TTN: variants seen among roughly 807,000 people sequenced by gnomAD.
TTN encodes connectin.
In TTN, 1,525 loss-of-function variants were observed where a neutral mutation model predicts 3,223.0. The observed-to-expected ratio is 0.47, with a 90% CI of 0.45 to 0.49. The LOEUF (loss-of-function observed/expected upper bound fraction) is 0.49. Ranked by LOEUF, TTN falls within the 20% of genes least tolerant of loss-of-function variation. The pLI is 0.00. For missense variants in TTN, 40,786 were observed against 43,424.0 expected (o/e 0.94, Z 5.40); for synonymous variants, 14,094 against 15,161.0 (o/e 0.93, Z 5.17).
Position 178,614,850 on chromosome 2 carries a change from G to T in TTN, c.48757C>A (p.Gln16253Lys). Residue 16253 changes from glutamine (Q) to lysine (K), a missense_variant, in exon 260 of 363, where the codon CAA (glutamine) becomes AAA (lysine). By Grantham distance (53) the Gln-to-Lys change is moderately conservative. Transcript: ENST00000589042. ...PTEEIQAVDT[Q>K]EAPEIFLDVK... Reference sequence around the variant, plus strand: ...GACAAAAATCAAAAATAGATACCTTGTGTGTCCACAGCCTGGATTTCCTCT... The same window carrying T: ...GACAAAAATCAAAAATAGATACCTTTTGTGTCCACAGCCTGGATTTCCTCT... 2 of 1,571,842 alleles carry T rather than the reference G, an allele frequency of 1.3e-6. No individual in the cohort carries two copies. Among genetic ancestry groups the T allele is most frequent in the South Asian group, 1.2e-5 (1 of 86,270 alleles).
intron 211 of TTN, 82 bp downstream of exon 211, chr2:178,649,735 T>C: frequency 6.4e-7 from 1 of 1,557,848 alleles, no homozygotes; most frequent in East Asian, 2.3e-5. Context: ...TTAACAAACA[T>C]ATAATACAAC....
intron 47 of TTN, chr2:178,746,298 C>T (rs1560967962): frequency 1.2e-6 from 2 of 1,612,128 alleles, no homozygotes; most frequent in African/African-American, 2.7e-5. Flanking sequence ...ATTTTTAGTT[C>T]TTTGTCTTCT....
intron 100 of TTN, 101 bp from the exon 101 acceptor site, chr2:178,707,055 G>T: frequency 2.0e-6 from 2 of 977,802 alleles, no homozygotes; most frequent in African/African-American, 1.6e-5. Flanking sequence ...AGTTTGATAA[G>T]TAAGTACTGC....
In TTN at chr2:178,540,099, T is replaced by C; in HGVS notation, c.98067A>G (p.Val32689=). 2 of 1,608,120 alleles carry C rather than the reference T, an allele frequency of 1.2e-6. No homozygotes were observed. Among genetic ancestry groups the C allele is most frequent in the Non-Finnish European group, 1.7e-6 (2 of 1,175,794 alleles). ...TTTCAGTGACTTTGACTGTTCCTGG[T>C]ACCTCAGCAGGCTCACCAGGTCCAC... The part of the protein sequence containing the change: ...NAGGPGEPAE[V]PGTVKVTEML... The change falls in exon 351 of 363, where the codon GTA becomes GTG. Residue 32689 remains valine, a synonymous_variant. Coordinates refer to ENST00000589042, the MANE Select transcript of TTN (RefSeq NM_001267550.2).
At chr2:178,702,404 CAGACG>C (rs770989999) in intron 107 of TTN, 45 bp downstream of exon 107, 2 of 1,610,260 alleles carry the variant, frequency 1.2e-6, no homozygotes, top group Non-Finnish European at 1.7e-6. Flanking sequence ...ATACAGAAAA[CAGACG>C]AGGCTTAAAT....
chr2:178,709,647 T>C lies in TTN; in HGVS notation c.28672A>G (p.Met9558Val). Residue 9558 changes from methionine (M) to valine (V), a missense_variant, in exon 99 of 363, where the codon ATG becomes GTG. Coordinates refer to ENST00000589042, the MANE Select transcript of TTN (RefSeq NM_001267550.2). The stretch of plus-strand genomic sequence containing the variant: ...CATGTGTACAAACCAGCGTCGTTCA[T>C]GCCTGCTTTCCTGACTTGCAGCACT... The part of the protein sequence containing the change: ...TLVLQVRKAG[M>V]NDAGLYTCKV... 6.2e-7 allele frequency: 1 copy of C among 1,613,940 alleles called. No individual in the cohort carries two copies. Among genetic ancestry groups the C allele is most frequent in the Non-Finnish European group, 8.5e-7 (1 of 1,179,816 alleles).
chr2:178,707,583 A>G lies in TTN; in HGVS notation c.28984T>C (p.Cys9662Arg). The change falls in exon 100 of 363, where the codon TGT becomes CGT. Residue 9662 changes from cysteine (C) to arginine (R), a missense_variant. Coordinates refer to ENST00000589042, the MANE Select transcript of TTN (RefSeq NM_001267550.2). ...VAKADSGDYV[C>R]KASNVAGSDT... ...CTTCCAGCCACATTTGAAGCTTTAC[A>G]CACATAATCTCCCGAATCTGCTTTA... 6.2e-7 allele frequency: 1 copy of G among 1,613,860 alleles called. No homozygotes were observed. The highest frequency in any genetic ancestry group is 8.5e-7 in the Non-Finnish European group (1 of 1,179,828).
In TTN at chr2:178,717,965, A is replaced by G. The variant is rs397517512; in HGVS notation, c.25041T>C (p.Ser8347=). The G allele has an allele frequency of 3.6e-5, 58 of 1,612,634 alleles. No homozygotes were observed. Among genetic ancestry groups the G allele is most frequent in the Non-Finnish European group, 4.2e-5 (50 of 1,178,834 alleles). ...KADNSVGAVA[S]SAVLVIKARK... is the part of the protein sequence containing the mutation. The stretch of plus-strand genomic sequence containing the variant: ...CACCTTTGATAACAAGCACAGCTGA[A>G]GAAGCGACTGCCCCCACACTGTTGT... The change falls in exon 86 of 363, where the codon TCT becomes TCC. Residue 8347 remains serine, a synonymous_variant. Transcript: ENST00000589042.
chr2:178,531,351 C>T lies in TTN; in HGVS notation c.105264G>A (p.Glu35088=). 1.2e-6 allele frequency: 2 copies of T among 1,614,050 alleles called. No individual in the cohort carries two copies. The highest frequency in any genetic ancestry group is 1.7e-6 in the Non-Finnish European group (2 of 1,179,900). Reference sequence around the variant, plus strand: ...CATATGAGGAGAGACTTTCCCTTGTCTCCGTCATCTGTGATTTCACTTCCC... The same window carrying T: ...CATATGAGGAGAGACTTTCCCTTGTTTCCGTCATCTGTGATTTCACTTCCC... ...SVREVKSQMT[E]TRESLSSYEH... is the part of the protein sequence containing the mutation. Residue 35088 remains glutamate, a synonymous_variant, in exon 358 of 363, where the codon GAG becomes GAA. Transcript: ENST00000589042.
rs1408239835 is a variant in TTN at position 178,613,929 on chromosome 2, C to G, written c.49354G>C (p.Gly16452Arg). ...GAAGGTTCTAGGCGAGTTGGAGGAC[C>G]AGGTGGATCTATAGACAGGATAATG... Reference protein sequence around the residue: ...ITAKYQFDPPGPPTRLEPSDI... With the variant: ...ITAKYQFDPPRPPTRLEPSDI... The change falls in exon 263 of 363, where the codon GGT (glycine) becomes CGT (arginine). Residue 16452 changes from glycine (G) to arginine (R), a missense_variant. Coordinates refer to ENST00000589042, the MANE Select transcript of TTN (RefSeq NM_001267550.2). 3.1e-6 allele frequency: 5 copies of G among 1,607,332 alleles called. No individual in the cohort carries two copies. The highest frequency in any genetic ancestry group is 4.2e-6 in the Non-Finnish European group (5 of 1,176,694).
Position 178,711,228 on chromosome 2 carries a change from T to C in TTN, c.28008A>G (p.Lys9336=). The change falls in exon 97 of 363, where the codon AAA becomes AAG. Residue 9336 remains lysine, a synonymous_variant. Coordinates refer to ENST00000589042, the MANE Select transcript of TTN (RefSeq NM_001267550.2). ...GSEPISVSWY[K]DGKPLKDSPN... is the part of the protein sequence containing the mutation. ...GGCTGTCTTTCAATGGCTTGCCGTC[T>C]TTATACCAAGACACGGAGATAGGTT... 1 of 1,613,868 alleles carries C rather than the reference T, an allele frequency of 6.2e-7. No individual in the cohort carries two copies. The highest frequency in any genetic ancestry group is 1.3e-5 in the African/African-American group (1 of 75,032).
In TTN at chr2:178,587,111, T is replaced by C; in HGVS notation, c.64093+7A>G. 1 of 1,613,092 alleles carries C rather than the reference T, an allele frequency of 6.2e-7. No homozygotes were observed. The highest frequency in any genetic ancestry group is 8.5e-7 in the Non-Finnish European group (1 of 1,179,334). On this transcript the variant is annotated splice_region_variant and intron_variant, in intron 307 of 362. Transcript: ENST00000589042. ...GGTTAAAAGGAGGAAGAAAGCATAA[T>C]ACTTACTTAGAGGATCTGATGCAAG... is the stretch of plus-strand genomic sequence containing the variant.
chr2:178,623,214 A>G (rs1203223643), intron 242 of TTN, among the ~76,000 whole-genome samples: 3 of 151,954 alleles, frequency 2.0e-5, no homozygotes, highest in Non-Finnish European at 4.4e-5. Context: ...GTGAAGCACT[A>G]TGGCCAGCCT....
Position 178,563,728 on chromosome 2 carries a change from C to A in TTN, c.82404G>T (p.Lys27468Asn), listed in dbSNP as rs370365162. ...CAGGTGTTGAGGGAGGACCTGGTGGCTTATAAGGATTACAGGCCGTAACAG... is the reference window on the plus strand; with the variant it reads ...CAGGTGTTGAGGGAGGACCTGGTGGATTATAAGGATTACAGGCCGTAACAG... ...SGPVTACNPY[K>N]PPGPPSTPEV... The change falls in exon 326 of 363, where the codon AAG becomes AAT. Residue 27468 changes from lysine (K) to asparagine (N), a missense_variant. Physicochemically the swap from Lys to Asn is moderately conservative, Grantham distance 94. Transcript: ENST00000589042. The surrounding 1 kb of genome is among the most constrained non-coding windows in gnomAD (Gnocchi z 4.5). 3 of 1,613,578 alleles carry A rather than the reference C, an allele frequency of 1.9e-6. No individual in the cohort carries two copies. The highest frequency in any genetic ancestry group is 2.7e-5 in the African/African-American group (2 of 74,900).
rs777331004 is a variant in TTN, at chr2:178,646,000, G to A, written c.40328C>T (p.Pro13443Leu). 2 of 1,579,386 alleles carry A rather than the reference G, an allele frequency of 1.3e-6. No homozygotes were observed. The highest frequency in any genetic ancestry group is 1.8e-5 in the Admixed American group (1 of 54,580). ...AGGTGGGGGTCTTGGTTTGAGTTTT[G>A]GCTTCTCAATAACCTTTTCAGGTTC... The part of the protein sequence containing the change: ...EPEPEKVIEK[P>L]KLKPRPPPPP... Residue 13443 changes from proline (P) to leucine (L), a missense_variant, in exon 217 of 363, where the codon CCA becomes CTA. Coordinates refer to ENST00000589042, the MANE Select transcript of TTN (RefSeq NM_001267550.2).
intron 20 of TTN, 109 bp from the exon 21 acceptor site, chr2:178,781,372 T>TAAAATTCAATGACTAAACTAAA (rs2092746034): frequency 8.1e-7 from 1 of 1,238,290 alleles, no homozygotes; most frequent in South Asian, 1.3e-5. Flanking sequence ...TCAATGACCC[T>TAAAATTCAATGACTAAACTAAA]AAACATATGA....
At chr2:178,610,960 A>G (rs752264671) in intron 270 of TTN, 33 bp downstream of exon 270, 1 of 1,607,640 alleles carries the variant, frequency 6.2e-7, no homozygotes, top group South Asian at 1.1e-5. Context: ...CTACATGTGA[A>G]GAATGTCTGG....
chr2:178,720,390 A>C lies in TTN; in HGVS notation c.23372T>G (p.Phe7791Cys). 6.2e-7 allele frequency: 1 copy of C among 1,611,214 alleles called. No individual in the cohort carries two copies. Among genetic ancestry groups the C allele is most frequent in the Non-Finnish European group, 8.5e-7 (1 of 1,178,418 alleles). Residue 7791 changes from phenylalanine to cysteine, a missense_variant, in exon 80 of 363, where the codon TTC becomes TGC. Phe to Cys is a radical substitution (Grantham distance 205). Transcript: ENST00000589042. ...TTGTGTCCATGTATACAAACCTTTG[A>C]ACTTGACAGAGCAAGAACACGTGTC... is the stretch of plus-strand genomic sequence containing the variant. ...GSDTCSCSVK[F>C]KEPPRFVKKL...
intron 330 of TTN, 40 bp from the exon 331 acceptor site, chr2:178,555,192 A>T (rs1479132599): frequency 6.4e-7 from 1 of 1,571,158 alleles, no homozygotes; most frequent in Non-Finnish European, 8.6e-7. Flanking sequence ...AAATATTATA[A>T]GGATGGAAAA....
Sources: allele counts gnomAD v4.1 joint callset (sites outside exome capture counted in the v4.1 genomes callset), GRCh38; gene constraint gnomAD v4.1.1; non-coding constraint Gnocchi (gnomAD v3.1); transcripts MANE v1.5; gene names NCBI Gene and HGNC (gene_info 2026-07-23, HGNC 2026-07-21).